Variants in HIVEP3 observed in about 807,000 individuals in gnomAD.
HIVEP3 encodes transcription factor HIVEP3.
Under a neutral mutation model 152.8 loss-of-function variants are expected in HIVEP3, and 49 were observed. The observed-to-expected ratio is 0.32, with a 90% CI of 0.26 to 0.41. The LOEUF is 0.41. Among genes scored for constraint, HIVEP3 ranks in the 10% least tolerant of loss-of-function variants. HIVEP3 has a pLI of 1.00. For missense variants in HIVEP3, 2,790 were observed against 3,103.3 expected, an observed-to-expected ratio of 0.90 and a Z score of 2.40; for synonymous variants, 1,269 against 1,289.0, an observed-to-expected ratio of 0.98 and a Z score of 0.33.
At position 41,740,644 on chromosome 1, in the gene HIVEP3, G is replaced by A. The variant is rs368485352; in HGVS notation, c.-800-39649C>T. On this transcript the variant is annotated intron_variant, in intron 1 of 8. Coordinates refer to ENST00000372583, the MANE Select transcript of HIVEP3 (RefSeq NM_024503.5). ...AAACACCCACCACTACACAGGCCCT[G>A]GCTAGGAGCTCTCACACTTCCTCCT... is the stretch of plus-strand genomic sequence containing the variant. Among the ~76,000 whole-genome samples, 19 of 152,346 alleles carry A rather than the reference G, an allele frequency of 1.2e-4. No homozygotes were observed. In the East Asian group the frequency reaches 3.5e-3, roughly 28 times the overall value.
chr1:41,806,094 G>T (rs1364268893), intron 1 of HIVEP3, among the ~76,000 whole-genome samples: 1 of 152,174 alleles, frequency 6.6e-6, no homozygotes, highest in Non-Finnish European at 1.5e-5. Context: ...CTCCTTGCCA[G>T]ATGAGGCCCC....
intron 1 of HIVEP3, among the ~76,000 whole-genome samples, chr1:42,021,476 G>T (rs909629046): frequency 5.3e-5 from 8 of 152,114 alleles, no homozygotes; most frequent in East Asian, 3.9e-4. Flanking sequence ...TTAGGGTAAG[G>T]GGGGGTTGGG....
rs181180502 is a variant in HIVEP3, at chr1:41,628,615, A to G, written c.-522+134T>C. The G allele has an allele frequency of 1.9e-4, 132 of 702,234 alleles. No individual in the cohort carries two copies. In the Middle Eastern group the frequency reaches 4.1e-3, roughly 22 times the overall value. 43.5% of individuals were successfully genotyped at this position (702,234 alleles called of 1,614,324 possible). On this transcript the variant is annotated intron_variant, in intron 3 of 8. Transcript: ENST00000372583. ...AGGACTTTCACAACAACTTTCACAGAGGCACCAGAAAGGCAACGATAACAC... is the reference window on the plus strand; with the variant it reads ...AGGACTTTCACAACAACTTTCACAGGGGCACCAGAAAGGCAACGATAACAC...
intron 1 of HIVEP3, among the ~76,000 whole-genome samples, chr1:41,860,190 C>T (rs1248956784): frequency 3.9e-5 from 6 of 152,196 alleles, no homozygotes; most frequent in African/African-American, 1.4e-4. Flanking sequence ...CCAGTTATAT[C>T]GGAGAGAAGA....
At chr1:41,696,005 C>T (rs1371112068) in intron 2 of HIVEP3, among the ~76,000 whole-genome samples, 1 of 152,184 alleles carries the variant, frequency 6.6e-6, no homozygotes, top group Non-Finnish European at 1.5e-5. Context: ...AATGACTTCC[C>T]CATCTCAACC....
At chr1:41,561,997 G>A (rs1250679825) in intron 5 of HIVEP3, among the ~76,000 whole-genome samples, 1 of 152,092 alleles carries the variant, frequency 6.6e-6, no homozygotes, top group Non-Finnish European at 1.5e-5. Flanking sequence ...GTGGAGGCAA[G>A]GAAGAAAGAA....
chr1:41,807,132 C>T (rs75282019), intron 1 of HIVEP3, among the ~76,000 whole-genome samples: 267 of 152,234 alleles, frequency 1.8e-3, no homozygotes, highest in African/African-American at 6.1e-3. Context: ...AAAAGTAGAG[C>T]GCATTTAGTC....
chr1:41,527,046 TCTTCCTCA>T (rs796636285), intron 5 of HIVEP3, among the ~76,000 whole-genome samples: 4 of 8,764 alleles, frequency 4.6e-4, no homozygotes, highest in South Asian at 3.5e-3. Flanking sequence ...TCACACACCC[TCTTCCTCA>T]CACACACCCT....
At chr1:41,719,400 A>G (rs1402076252) in intron 1 of HIVEP3, among the ~76,000 whole-genome samples, 3 of 152,198 alleles carry the variant, frequency 2.0e-5, no homozygotes, top group African/African-American at 7.2e-5. Context: ...CCTTGAAACA[A>G]TGGTCATTCC....
chr1:41,711,236 C>T (rs1646508961), intron 1 of HIVEP3, among the ~76,000 whole-genome samples: 4 of 152,174 alleles, frequency 2.6e-5, no homozygotes, highest in Admixed American at 2.6e-4. Context: ...TTGACAGGAC[C>T]CAGAAGAACA....
intron 1 of HIVEP3, among the ~76,000 whole-genome samples, chr1:41,727,564 CGA>C (rs1228787193): frequency 2.6e-5 from 4 of 152,238 alleles, no homozygotes; most frequent in Middle Eastern, 3.2e-3. Flanking sequence ...ACAAAGAAAA[CGA>C]GAGTGTCCAG....
At chr1:41,669,209 A>T (rs1216416175) in intron 2 of HIVEP3, among the ~76,000 whole-genome samples, 1 of 152,176 alleles carries the variant, frequency 6.6e-6, no homozygotes, top group Non-Finnish European at 1.5e-5. Context: ...CCTATTTAGA[A>T]AGGGCTGAGT....
chr1:41,598,155 A>G (rs942517075), intron 3 of HIVEP3, among the ~76,000 whole-genome samples: 14 of 152,230 alleles, frequency 9.2e-5, no homozygotes, highest in Admixed American at 9.2e-4. Flanking sequence ...GCGCAGGCCC[A>G]GCAGGCTTGT....
intron 1 of HIVEP3, among the ~76,000 whole-genome samples, chr1:41,774,295 C>A (rs1306242520): frequency 6.6e-6 from 1 of 152,186 alleles, no homozygotes; most frequent in Non-Finnish European, 1.5e-5. Context: ...TAAGAAAATA[C>A]ATGTTTATTT....
At chr1:41,872,386 TG>T (rs963193527) in intron 1 of HIVEP3, among the ~76,000 whole-genome samples, 2 of 152,254 alleles carry the variant, frequency 1.3e-5, no homozygotes, top group Non-Finnish European at 2.9e-5. Context: ...CCACAGGGAT[TG>T]GCCAAGACCC....
intron 1 of HIVEP3, among the ~76,000 whole-genome samples, chr1:41,889,203 A>G (rs1644407614): frequency 6.6e-6 from 1 of 150,854 alleles, no homozygotes; most frequent in Non-Finnish European, 1.5e-5. Flanking sequence ...ACACACACAC[A>G]CCACATACAC....
intron 1 of HIVEP3, among the ~76,000 whole-genome samples, chr1:41,763,644 G>A (rs1308243740): frequency 3.9e-5 from 6 of 152,196 alleles, no homozygotes; most frequent in African/African-American, 1.4e-4. Flanking sequence ...TAATTTATAT[G>A]TGTATGTGTT....
chr1:41,567,473 T>A (rs1644183259), intron 5 of HIVEP3, among the ~76,000 whole-genome samples: 1 of 152,152 alleles, frequency 6.6e-6, no homozygotes, highest in African/African-American at 2.4e-5. Flanking sequence ...GCTGGACACT[T>A]CACTCCCCAG....
rs1326167712 is a variant in HIVEP3 at position 41,562,630 on chromosome 1, TCTCC to T, written c.5207+12910_5207+12913del. Among the ~76,000 whole-genome samples, 296 of 87,610 alleles carry T rather than the reference TCTCC, an allele frequency of 3.4e-3. 4 individuals carry two copies. In the South Asian group the frequency reaches 0.035, roughly 10 times the overall value. The allele number at this position is 87,610 out of a possible 152,430, so 57.5% of individuals were successfully genotyped here. On this transcript the variant is annotated intron_variant, in intron 5 of 8. Coordinates refer to ENST00000372583, the MANE Select transcript of HIVEP3 (RefSeq NM_024503.5). ...CTCTCTCTCTCTCTCTCTCTCTCTC[TCTCC>T]CTCTCTCTCTCTTTCTTTCTTTCTT...
Sources: gnomAD v4.1 joint callset for allele counts (sites outside exome capture counted in the v4.1 genomes callset) on GRCh38, gnomAD v4.1.1 for gene constraint, MANE v1.5 for transcripts, NCBI Gene and HGNC (gene_info 2026-07-23, HGNC 2026-07-21) for gene names.